Variants in EFHD1 observed in about 807,000 individuals in gnomAD.
EFHD1 encodes EF-hand domain family member D1, also known as EF-hand domain-containing protein D1.
In EFHD1, 10 loss-of-function variants were observed where a neutral mutation model predicts 17.2. That is an observed-to-expected ratio of 0.58 (90% confidence interval 0.36 to 0.99). EFHD1 has a LOEUF of 0.99. Ranked by LOEUF, EFHD1 falls within the 50% of genes least tolerant of loss-of-function variation. The probability of loss-of-function intolerance (pLI) is 0.01; values close to 1 mark genes in which losing one functional copy is unlikely to be tolerated. For missense variants in EFHD1, 310 were observed against 327.5 expected, an observed-to-expected ratio of 0.95 and a Z score of 0.41; for synonymous variants, 153 against 142.0, an observed-to-expected ratio of 1.08 and a Z score of -0.55.
At chr2:232,620,309 A>G (rs1385841135) in intron 1 of EFHD1, among the ~76,000 whole-genome samples, 1 of 149,856 alleles carries the variant, frequency 6.7e-6, no homozygotes, top group Non-Finnish European at 1.5e-5. Flanking sequence ...AATGGCGTGA[A>G]CCCGGGAGGT....
chr2:232,662,984 G>A (rs758857230), intron 2 of EFHD1, 35 bp downstream of exon 2: 1 of 1,528,854 alleles, frequency 6.5e-7, no homozygotes, highest in East Asian at 2.5e-5. Context: ...CCCCTGTGGG[G>A]TGCCCCTGAG....
intron 1 of EFHD1, among the ~76,000 whole-genome samples, chr2:232,640,901 T>A (rs1252403048): frequency 1.3e-5 from 2 of 151,988 alleles, no homozygotes; most frequent in Non-Finnish European, 2.9e-5. Context: ...ATGAACCTCC[T>A]GGAGACAGAG....
chr2:232,624,259 C>G (rs73995827), intron 1 of EFHD1, among the ~76,000 whole-genome samples: 9,993 of 152,196 alleles, frequency 0.066, 713 homozygotes, highest in East Asian at 0.21. Flanking sequence ...GCTAATCAGC[C>G]CCCTGGGGGT....
At chr2:232,667,460 C>A (rs1471770681) in intron 2 of EFHD1, among the ~76,000 whole-genome samples, 2 of 152,142 alleles carry the variant, frequency 1.3e-5, no homozygotes, top group Non-Finnish European at 2.9e-5. Context: ...TTTGCCTCTC[C>A]CAGTTCCAGT....
chr2:232,672,241 G>T, intron 2 of EFHD1, 68 bp from the exon 3 acceptor site: 3 of 1,602,436 alleles, frequency 1.9e-6, no homozygotes, highest in South Asian at 2.2e-5. Flanking sequence ...CTTCAGCTTG[G>T]ACCAGAGGGC....
At position 232,669,534 on chromosome 2, in the gene EFHD1, G is replaced by A. The variant is rs567026995; in HGVS notation, c.451-2775G>A. 4.6e-5 allele frequency among the ~76,000 whole-genome samples: 7 copies of A among 151,988 alleles called. No homozygotes were observed. The South Asian group carries it at 1.5e-3, about 32-fold the overall frequency. On this transcript the variant is annotated intron_variant, in intron 2 of 3. Coordinates refer to ENST00000264059, the MANE Select transcript of EFHD1 (RefSeq NM_025202.4). ...GTAATGATACTCAAGTGAGGATTTGGAAGGCCTGTAGAAGTTGCTTAACCT... is the reference window on the plus strand; with the variant it reads ...GTAATGATACTCAAGTGAGGATTTGAAAGGCCTGTAGAAGTTGCTTAACCT...
At chr2:232,657,360 C>T (rs2106208104) in intron 1 of EFHD1, among the ~76,000 whole-genome samples, 2 of 152,318 alleles carry the variant, frequency 1.3e-5, no homozygotes, top group South Asian at 4.1e-4. Context: ...GGCACAATGT[C>T]TTCAAGGTTC....
At chr2:232,630,797 A>G (rs11679443), upstream of EFHD1, among the ~76,000 whole-genome samples, 147 of 138,126 alleles carry the variant, frequency 1.1e-3, no homozygotes, top group East Asian at 3.0e-3. Flanking sequence ...AAAAAAAAAA[A>G]AAAGAAAGAA....
In EFHD1 at chr2:232,646,392, G is replaced by A. The variant is rs549090644; in HGVS notation, c.302+12386G>A. On this transcript the variant is annotated intron_variant, in intron 1 of 3. Transcript: ENST00000264059. ...CAGTTGATTACACTTAGGTCTGTCC[G>A]TTGTCTGTTATTGCTGATTCTCTCT... is the stretch of plus-strand genomic sequence containing the variant. 6.2e-4 allele frequency among the ~76,000 whole-genome samples: 88 copies of A among 142,910 alleles called. 1 individual carries two copies. In the South Asian group the frequency reaches 0.019, roughly 31 times the overall value. 93.8% of individuals were successfully genotyped at this position (142,910 alleles called of 152,430 possible). A position where few individuals can be genotyped will look rare whatever the true frequency, so the allele number is the denominator to read the frequency against.
intron 3 of EFHD1, among the ~76,000 whole-genome samples, chr2:232,673,255 G>A (rs1026219039): frequency 5.3e-5 from 8 of 152,126 alleles, no homozygotes; most frequent in African/African-American, 1.7e-4. Flanking sequence ...TGCAGGGATG[G>A]GTCTTCTCCA....
At chr2:232,640,608 A>G (rs1414898250) in intron 1 of EFHD1, among the ~76,000 whole-genome samples, 2 of 152,194 alleles carry the variant, frequency 1.3e-5, no homozygotes, top group African/African-American at 4.8e-5. Flanking sequence ...TTGGCCCTTG[A>G]GAAGCTCAAC....
intron 1 of EFHD1, among the ~76,000 whole-genome samples, chr2:232,639,022 G>A (rs1694373932): frequency 6.6e-6 from 1 of 152,152 alleles, no homozygotes; most frequent in Non-Finnish European, 1.5e-5. Context: ...AGTGCTGGCT[G>A]CTTTTACTTG....
At chr2:232,663,873 G>T (rs2106212052) in intron 2 of EFHD1, among the ~76,000 whole-genome samples, 1 of 152,172 alleles carries the variant, frequency 6.6e-6, no homozygotes, top group African/African-American at 2.4e-5. Flanking sequence ...GCTCACTGCA[G>T]CCTTGACCTT....
chr2:232,658,726 T>C (rs1007947065), intron 1 of EFHD1, among the ~76,000 whole-genome samples: 2 of 151,826 alleles, frequency 1.3e-5, no homozygotes, highest in Admixed American at 6.6e-5. Context: ...GAAAGGCTAG[T>C]AGTTGCTGGG....
chr2:232,641,996 G>C (rs1399907822), intron 1 of EFHD1, among the ~76,000 whole-genome samples: 1 of 152,150 alleles, frequency 6.6e-6, no homozygotes, highest in Non-Finnish European at 1.5e-5. Flanking sequence ...CTGGAGCCCC[G>C]GGGTAACACT....
At chr2:232,662,759 G>A (rs772776680) in intron 1 of EFHD1, 43 bp from the exon 2 acceptor site, 16 of 1,551,912 alleles carry the variant, frequency 1.0e-5, no homozygotes, top group East Asian at 2.5e-5. Flanking sequence ...GGAGACTAAC[G>A]AGTGTCCTTT....
Position 232,657,869 on chromosome 2 carries a change from T to C in EFHD1, c.303-4933T>C, listed in dbSNP as rs538694512. Among the ~76,000 whole-genome samples, 83 of 151,076 alleles carry C rather than the reference T, an allele frequency of 5.5e-4. No homozygotes were observed. In the South Asian group the frequency reaches 9.3e-3, roughly 17 times the overall value. ...TCCATTGGATCCTATGGTAATTCTTTGTTTAGGACCTTGCATTTTTCTTTC... is the reference window on the plus strand; with the variant it reads ...TCCATTGGATCCTATGGTAATTCTTCGTTTAGGACCTTGCATTTTTCTTTC... On this transcript the variant is annotated intron_variant, in intron 1 of 3. Coordinates refer to ENST00000264059, the MANE Select transcript of EFHD1 (RefSeq NM_025202.4).
Position 232,633,681 on chromosome 2 carries a change from T to C in EFHD1, c.-24T>C, listed in dbSNP as rs1401836440. On this transcript the variant is annotated 5_prime_UTR_variant, in exon 1 of 4. Coordinates refer to ENST00000264059, the MANE Select transcript of EFHD1 (RefSeq NM_025202.4). The stretch of plus-strand genomic sequence containing the variant: ...TGCGTCCCGTCCCGCGTCCCCGCGT[T>C]CCCGCGTCCTGCGATCCGCCGCCAT... 3 of 1,410,278 alleles carry C rather than the reference T, an allele frequency of 2.1e-6. No individual in the cohort carries two copies. The highest frequency in any genetic ancestry group is 6.8e-5 in the Admixed American group (2 of 29,272). The allele number at this position is 1,410,278 out of a possible 1,614,324, so 87.4% of individuals were successfully genotyped here.
At chr2:232,606,099 T>C in exon 1 of EFHD1, 1 of 1,542,146 alleles carries the variant, frequency 6.5e-7, no homozygotes, top group Non-Finnish European at 8.8e-7. Flanking sequence ...GCTGCTTGCC[T>C]TTCTCCGTAC....
Sources: allele counts gnomAD v4.1 joint callset (sites outside exome capture counted in the v4.1 genomes callset), GRCh38; gene constraint gnomAD v4.1.1; transcripts MANE v1.5; gene names NCBI Gene and HGNC (gene_info 2026-07-23, HGNC 2026-07-21).